The following WWOX variants were observed in gnomAD, a reference collection of about 807,000 sequenced individuals.
The protein encoded by WWOX is WW domain containing oxidoreductase.
A neutral mutation model predicts 46.2 loss-of-function variants in WWOX; 69 were observed. That is an observed-to-expected ratio of 1.49 (90% CI 1.23 to 1.82). WWOX has a LOEUF of 1.82. WWOX is among the 40% of genes most tolerant of loss of function. The pLI, the probability that WWOX is intolerant of heterozygous loss-of-function variation, is 0.00. For synonymous variants in WWOX, 359 were observed against 202.6 expected (o/e 1.77, Z -6.56); for missense variants, 919 against 542.6 (o/e 1.69, Z -6.89).
intron 8 of WWOX, among the ~76,000 whole-genome samples, chr16:79,010,153 C>T (rs553558661): frequency 2.0e-5 from 3 of 152,250 alleles, no homozygotes; most frequent in South Asian, 2.1e-4. Context: ...AAAAATAATC[C>T]ACCCATGAAA....
At chr16:79,115,610 T>C (rs1049908251) in intron 8 of WWOX, among the ~76,000 whole-genome samples, 1 of 152,176 alleles carries the variant, frequency 6.6e-6, no homozygotes, top group South Asian at 2.1e-4. Context: ...CAAAGAAAGA[T>C]CTAAGTGTGA....
intron 8 of WWOX, among the ~76,000 whole-genome samples, chr16:78,784,186 C>A (rs2050399564): frequency 6.6e-6 from 1 of 152,140 alleles, no homozygotes; most frequent in Non-Finnish European, 1.5e-5. Flanking sequence ...ACGTGCACAT[C>A]ATTCAATCAC....
intron 5 of WWOX, chr16:78,355,919 G>A (rs967326878): frequency 6.3e-6 from 2 of 319,286 alleles, no homozygotes; most frequent in South Asian, 3.7e-5. Flanking sequence ...AGAGAAACCC[G>A]CATACATTTG....
At chr16:78,337,008 T>A (rs899674702) in intron 5 of WWOX, among the ~76,000 whole-genome samples, 1 of 152,132 alleles carries the variant, frequency 6.6e-6, no homozygotes, top group African/African-American at 2.4e-5. Flanking sequence ...CTCAAACTCC[T>A]GACCTCACGT....
chr16:78,342,366 G>C lies in WWOX; in HGVS notation c.517-44494G>C, dbSNP rs763828993. On this transcript the variant is annotated intron_variant, in intron 5 of 8. Transcript: ENST00000566780. ...CACAACCACTCGTGAAGGCAGACTT[G>C]AAGGGGACTCCACTGTCTTGGAGCT... Among the ~76,000 whole-genome samples the C allele has an allele frequency of 1.2e-4, 14 of 121,150 alleles. 5 individuals carry two copies. Among genetic ancestry groups the C allele is most frequent in the Non-Finnish European group, 2.8e-4 (14 of 50,672 alleles). The allele number at this position is 121,150 out of a possible 152,430, so 79.5% of individuals were successfully genotyped here.
At chr16:79,133,736 A>C (rs1042259328) in intron 8 of WWOX, among the ~76,000 whole-genome samples, 2 of 152,208 alleles carry the variant, frequency 1.3e-5, no homozygotes, top group Non-Finnish European at 2.9e-5. Flanking sequence ...CAGCTGAAGA[A>C]GTTTTCCTAA....
At chr16:78,480,622 A>G (rs1014107639) in intron 8 of WWOX, among the ~76,000 whole-genome samples, 1 of 152,206 alleles carries the variant, frequency 6.6e-6, no homozygotes, top group African/African-American at 2.4e-5. Flanking sequence ...TTGGCTCTCA[A>G]TTTAAAAATG....
At chr16:78,773,995 G>A (rs1490193593) in intron 8 of WWOX, among the ~76,000 whole-genome samples, 3 of 152,204 alleles carry the variant, frequency 2.0e-5, no homozygotes, top group Non-Finnish European at 4.4e-5. Context: ...CTTTCACACT[G>A]TTTAAAGATG....
intron 8 of WWOX, among the ~76,000 whole-genome samples, chr16:78,544,482 A>G (rs2043974397): frequency 6.6e-6 from 1 of 152,248 alleles, no homozygotes; most frequent in South Asian, 2.1e-4. Flanking sequence ...TGAATGCCAA[A>G]GTCACAGAGC....
chr16:79,085,083 A>G (rs563187112), intron 8 of WWOX, among the ~76,000 whole-genome samples: 1 of 152,228 alleles, frequency 6.6e-6, no homozygotes, highest in African/African-American at 2.4e-5. Flanking sequence ...GAGTCGCCAC[A>G]CTCAATTATA....
intron 8 of WWOX, among the ~76,000 whole-genome samples, chr16:78,575,311 C>T (rs1051938339): frequency 6.7e-6 from 1 of 150,246 alleles, no homozygotes; most frequent in Non-Finnish European, 1.5e-5. Flanking sequence ...TCAGATCTCC[C>T]TAATACTGTT....
chr16:78,532,464 T>A (rs574376548), intron 8 of WWOX, among the ~76,000 whole-genome samples: 3 of 152,024 alleles, frequency 2.0e-5, no homozygotes, highest in African/African-American at 7.2e-5. Flanking sequence ...TGCTTTGTAA[T>A]TTTTTTTAAG....
chr16:79,018,803 A>T (rs1279245984), intron 8 of WWOX, among the ~76,000 whole-genome samples: 1 of 152,134 alleles, frequency 6.6e-6, no homozygotes, highest in Admixed American at 6.5e-5. Flanking sequence ...TTTGTTCCCC[A>T]TAGACCCAAG....
chr16:78,811,308 C>T (rs2051181900), intron 8 of WWOX, among the ~76,000 whole-genome samples: 1 of 152,164 alleles, frequency 6.6e-6, no homozygotes, highest in African/African-American at 2.4e-5. Flanking sequence ...CATAGGCTCT[C>T]TGGGTTGGAT....
At chr16:78,607,950 A>G (rs997131779) in intron 8 of WWOX, among the ~76,000 whole-genome samples, 1 of 152,178 alleles carries the variant, frequency 6.6e-6, no homozygotes, top group African/African-American at 2.4e-5. Flanking sequence ...TGGAAAGAAA[A>G]TCGCAAAGTT....
intron 5 of WWOX, among the ~76,000 whole-genome samples, chr16:78,223,395 G>A (rs775259215): frequency 1.3e-5 from 2 of 152,180 alleles, no homozygotes; most frequent in Non-Finnish European, 2.9e-5. Context: ...TGTGGACCAT[G>A]CCCTTTTATG....
intron 3 of WWOX, among the ~76,000 whole-genome samples, chr16:78,114,561 T>C (rs910973581): frequency 2.6e-5 from 4 of 152,176 alleles, no homozygotes; most frequent in African/African-American, 9.7e-5. Flanking sequence ...ATTTTGAGTT[T>C]TCTACTTCTC....
chr16:78,855,513 C>G (rs1031747773), intron 8 of WWOX, among the ~76,000 whole-genome samples: 3 of 152,140 alleles, frequency 2.0e-5, no homozygotes, highest in African/African-American at 7.2e-5. Flanking sequence ...GAATGAAGAT[C>G]GATTCCAATT....
rs111610425 is a variant in WWOX at position 78,513,463 on chromosome 16, G to C, written c.1056+80711G>C. Among the ~76,000 whole-genome samples the C allele has an allele frequency of 3.7e-3, 563 of 152,268 alleles. 3 individuals are homozygous for C. Among genetic ancestry groups the C allele is most frequent in the African/African-American group, 0.013 (541 of 41,548 alleles). ...TGACATTCCTTGAGACTCCTTCAAT[G>C]GGTAGAGTTTGCTTTAGCTTTTCAT... On this transcript the variant is annotated intron_variant, in intron 8 of 8. Coordinates refer to ENST00000566780, the MANE Select transcript of WWOX (RefSeq NM_016373.4).
Sources: allele counts gnomAD v4.1 joint callset (sites outside exome capture counted in the v4.1 genomes callset), GRCh38; gene constraint gnomAD v4.1.1; transcripts MANE v1.5; gene names NCBI Gene and HGNC (gene_info 2026-07-23, HGNC 2026-07-21).